Variants in PSD3 observed in about 807,000 individuals in gnomAD.
PSD3 encodes the protein PH and SEC7 domain-containing protein 3.
In PSD3, 49 loss-of-function variants were observed where a neutral mutation model predicts 105.5. The observed-to-expected ratio is 0.46, with a 90% CI of 0.37 to 0.59. PSD3 has a LOEUF of 0.59. Among genes scored for constraint, PSD3 ranks in the 20% least tolerant of loss-of-function variants. The pLI, the probability that PSD3 is intolerant of heterozygous loss-of-function variation, is 0.00. For synonymous variants in PSD3, 557 were observed against 457.8 expected, an observed-to-expected ratio of 1.22 and a Z score of -2.77; for missense variants, 1,561 against 1,263.8, an observed-to-expected ratio of 1.24 and a Z score of -3.57.
At chr8:18,568,799 G>A (rs1166787950) in intron 14 of PSD3, among the ~76,000 whole-genome samples, 1 of 151,606 alleles carries the variant, frequency 6.6e-6, no homozygotes, top group African/African-American at 2.4e-5. Context: ...CTGGTGCGCT[G>A]CACCCACTAA....
At chr8:19,019,988 C>T (rs1431557724) in intron 1 of PSD3, among the ~76,000 whole-genome samples, 2 of 152,248 alleles carry the variant, frequency 1.3e-5, no homozygotes, top group Admixed American at 1.3e-4. Context: ...CTCAGCTCAC[C>T]TTTCCCCCAA....
chr8:18,812,773 C>T (rs1331970123), intron 4 of PSD3, among the ~76,000 whole-genome samples: 3 of 152,138 alleles, frequency 2.0e-5, no homozygotes, highest in Non-Finnish European at 2.9e-5. Flanking sequence ...AGGAAAGACA[C>T]GTGCCAGGGT....
At chr8:18,838,502 T>C (rs7839433) in intron 4 of PSD3, among the ~76,000 whole-genome samples, 3,308 of 152,178 alleles carry the variant, frequency 0.022, 108 homozygotes, top group African/African-American at 0.067. Flanking sequence ...AAAGTTCTGT[T>C]TTTAAAAATA....
At chr8:18,769,157 G>C (rs1807276842) in intron 8 of PSD3, among the ~76,000 whole-genome samples, 1 of 152,152 alleles carries the variant, frequency 6.6e-6, no homozygotes, top group Admixed American at 6.5e-5. Flanking sequence ...TACCTTTTTA[G>C]ATATGTTCTG....
intron 4 of PSD3, among the ~76,000 whole-genome samples, chr8:18,848,352 C>T (rs1815275895): frequency 6.6e-6 from 1 of 152,220 alleles, no homozygotes; most frequent in Non-Finnish European, 1.5e-5. Flanking sequence ...GGCAACCCCA[C>T]CCTTGGCCTG....
intron 14 of PSD3, among the ~76,000 whole-genome samples, chr8:18,571,299 A>G (rs1802122320): frequency 6.6e-6 from 1 of 152,174 alleles, no homozygotes; most frequent in Non-Finnish European, 1.5e-5. Flanking sequence ...CACTGTGCTC[A>G]TGTCACAGTT....
intron 1 of PSD3, among the ~76,000 whole-genome samples, chr8:18,983,753 T>C (rs1180417083): frequency 1.3e-5 from 2 of 151,940 alleles, no homozygotes; most frequent in Non-Finnish European, 2.9e-5. Context: ...AATCCTACCA[T>C]TTTGGGACGC....
chr8:19,028,768 C>G (rs2129476141), intron 1 of PSD3, among the ~76,000 whole-genome samples: 1 of 152,222 alleles, frequency 6.6e-6, no homozygotes, highest in Non-Finnish European at 1.5e-5. Flanking sequence ...TGTCATGCCA[C>G]AAAGATTTTC....
intron 9 of PSD3, among the ~76,000 whole-genome samples, chr8:18,663,455 C>T (rs938719286): frequency 2.0e-5 from 3 of 151,394 alleles, no homozygotes; most frequent in South Asian, 2.1e-4. Flanking sequence ...AAAAAAAAAC[C>T]GAATAAAAAT....
chr8:18,830,052 C>A (rs1264767629), intron 4 of PSD3, among the ~76,000 whole-genome samples: 1 of 152,164 alleles, frequency 6.6e-6, no homozygotes. Context: ...ACTGTAACCT[C>A]TGCTTCCTGG....
intron 11 of PSD3, among the ~76,000 whole-genome samples, chr8:18,620,342 GTTT>G (rs57785765): frequency 8.2e-6 from 1 of 121,732 alleles, no homozygotes; most frequent in African/African-American, 3.1e-5. Flanking sequence ...TTGGGTTTGT[GTTT>G]TTTTTTTTTT....
chr8:19,010,983 A>C (rs574543121), intron 1 of PSD3, among the ~76,000 whole-genome samples: 17 of 151,518 alleles, frequency 1.1e-4, no homozygotes, highest in South Asian at 2.1e-4. Context: ...CCAGCCTCCT[A>C]TAAGCCTGAT....
chr8:18,849,914 T>A (rs778186050), intron 4 of PSD3, among the ~76,000 whole-genome samples: 8 of 152,228 alleles, frequency 5.3e-5, no homozygotes, highest in Admixed American at 5.2e-4. Flanking sequence ...CCAGTGACTG[T>A]TTCCCACCAC....
intron 9 of PSD3, among the ~76,000 whole-genome samples, chr8:18,683,080 G>GCA (rs1312035395): frequency 3.3e-5 from 5 of 152,184 alleles, no homozygotes; most frequent in African/African-American, 1.2e-4. Context: ...AGAATATGTT[G>GCA]CATGTAGTAA....
At chr8:18,956,887 C>T (rs529445513) in intron 1 of PSD3, among the ~76,000 whole-genome samples, 77 of 152,274 alleles carry the variant, frequency 5.1e-4, no homozygotes, top group Middle Eastern at 6.8e-3. Flanking sequence ...CTGGGTGTTG[C>T]TTTCTCACTG....
At chr8:18,636,263 T>G (rs942194100) in intron 10 of PSD3, among the ~76,000 whole-genome samples, 15 of 50,448 alleles carry the variant, frequency 3.0e-4, no homozygotes, top group African/African-American at 1.5e-3. Context: ...TGTTCTAATT[T>G]TTAACAATTT....
intron 10 of PSD3, among the ~76,000 whole-genome samples, chr8:18,654,991 T>A (rs903918846): frequency 7.9e-5 from 12 of 152,104 alleles, no homozygotes; most frequent in African/African-American, 2.9e-4. Context: ...TACACACTAT[T>A]CATCAGCAGA....
rs183015242 is a variant in PSD3, at chr8:19,058,166, C to G, written c.324+26040G>C. Among the ~76,000 whole-genome samples, 171 of 152,148 alleles carry G rather than the reference C, an allele frequency of 1.1e-3. 1 individual carries two copies. The highest frequency in any genetic ancestry group is 4.0e-3 in the African/African-American group (166 of 41,514). On this transcript the variant is annotated intron_variant, in intron 1 of 1. Coordinates refer to the PSD3 transcript ENST00000521475. ...TGAATCTCAAAATCATTGAGATTTG[C>G]TGAGTGAAAGAAACAAGTCTCAGTG...
chr8:18,868,031 T>C lies in PSD3; in HGVS notation c.1277A>G (p.Glu426Gly). 1 of 1,613,402 alleles carries C rather than the reference T, an allele frequency of 6.2e-7. No individual in the cohort carries two copies. The highest frequency in any genetic ancestry group is 1.7e-4 in the Middle Eastern group (1 of 6,048). ...EQEEHVKGED[E>G]DILGPGYTED... is the part of the protein sequence containing the mutation. ...CGTATATCCAGGCCCAAGGATGTCT[T>C]CATCTTCCCCCTTAACGTGCTCCTC... Residue 426 changes from glutamate (E) to glycine (G), a missense_variant, in exon 4 of 16, where the codon GAA becomes GGA. Physicochemically the swap from Glu to Gly is moderately conservative, Grantham distance 98. Coordinates refer to ENST00000327040, the MANE Select transcript of PSD3 (RefSeq NM_015310.4).
Sources: allele counts gnomAD v4.1 joint callset (sites outside exome capture counted in the v4.1 genomes callset), GRCh38; gene constraint gnomAD v4.1.1; transcripts MANE v1.5; gene names NCBI Gene and HGNC (gene_info 2026-07-23, HGNC 2026-07-21).